The following BNC2 variants were observed in gnomAD, a reference collection of about 807,000 sequenced individuals.
BNC2 encodes zinc finger protein basonuclin-2.
In BNC2, 20 loss-of-function variants were observed where a neutral mutation model predicts 76.3. The ratio of observed to expected loss-of-function variants is 0.26; its 90% CI spans 0.18 to 0.38. The LOEUF (loss-of-function observed/expected upper bound fraction) is 0.38. Ranked by LOEUF, BNC2 falls within the 10% of genes least tolerant of loss-of-function variation. The probability of loss-of-function intolerance (pLI) is 1.00; values close to 1 mark genes in which losing one functional copy is unlikely to be tolerated. For synonymous variants in BNC2, 582 were observed against 514.8 expected (o/e 1.13, Z -1.77); for missense variants, 1,382 against 1,399.8 (o/e 0.99, Z 0.20).
intron 5 of BNC2, among the ~76,000 whole-genome samples, chr9:16,497,479 A>G (rs754061396): frequency 2.6e-5 from 4 of 152,142 alleles, no homozygotes; most frequent in Non-Finnish European, 5.9e-5. Flanking sequence ...TCAAATTCCT[A>G]TTTATTGCTT....
intron 1 of BNC2, among the ~76,000 whole-genome samples, chr9:16,743,309 CT>C (rs899202873): frequency 1.4e-4 from 21 of 150,558 alleles, no homozygotes; most frequent in East Asian, 3.9e-4. Flanking sequence ...AGACTTTTTA[CT>C]TTTTTTTTTC....
In BNC2 at chr9:16,417,778, T is replaced by A. The variant is rs938615769; in HGVS notation, c.*1211A>T. 13 of 152,690 alleles carry A rather than the reference T, an allele frequency of 8.5e-5. No individual in the cohort carries two copies. The highest frequency in any genetic ancestry group is 1.6e-4 in the Non-Finnish European group (11 of 68,046). The allele number at this position is 152,690 out of a possible 1,614,324, so 9.5% of individuals were successfully genotyped here. On this transcript the variant is annotated 3_prime_UTR_variant, in exon 7 of 7. Transcript: ENST00000380672. ...GAAATATTATCCTGCCTCTGAAGAA[T>A]AAATGCCTTGGCTGTTTCACACCAC...
At chr9:16,521,392 G>T (rs915346891) in intron 5 of BNC2, among the ~76,000 whole-genome samples, 1 of 152,204 alleles carries the variant, frequency 6.6e-6, no homozygotes, top group Non-Finnish European at 1.5e-5. Context: ...TGCTGATTTG[G>T]CAATGTGAGC....
intron 1 of BNC2, among the ~76,000 whole-genome samples, chr9:16,759,776 T>G (rs1390572943): frequency 1.3e-5 from 2 of 150,028 alleles, no homozygotes; most frequent in Non-Finnish European, 3.0e-5. Flanking sequence ...CTGACTAGAG[T>G]GTAGTGGCAC....
intron 5 of BNC2, among the ~76,000 whole-genome samples, chr9:16,515,497 A>C (rs1822855953): frequency 1.3e-5 from 2 of 151,848 alleles, no homozygotes; most frequent in Non-Finnish European, 2.9e-5. Context: ...CTATCCCACC[A>C]ACTCCCCTCT....
intron 3 of BNC2, among the ~76,000 whole-genome samples, chr9:16,616,160 G>C (rs904825152): frequency 6.6e-6 from 1 of 152,114 alleles, no homozygotes; most frequent in Non-Finnish European, 1.5e-5. Flanking sequence ...GCTGGGGTGG[G>C]AGGATCATTT....
intron 4 of BNC2, chr9:16,575,196 C>T (rs767279311): frequency 7.6e-6 from 7 of 917,816 alleles, no homozygotes; most frequent in Non-Finnish European, 9.1e-6. Context: ...GGTGACAGAG[C>T]CGCGACGTGA....
At chr9:16,808,333 C>G (rs1817961608) in intron 1 of BNC2, among the ~76,000 whole-genome samples, 1 of 151,946 alleles carries the variant, frequency 6.6e-6, no homozygotes, top group African/African-American at 2.4e-5. Flanking sequence ...AACAGCAGAG[C>G]CTAGAATCCT....
In BNC2 at chr9:16,436,339, CCAT is replaced by C. The variant is rs754784985; in HGVS notation, c.1852_1854del (p.Met618del). On this transcript the variant is annotated inframe_deletion, in exon 6 of 7. Coordinates refer to ENST00000380672, the MANE Select transcript of BNC2 (RefSeq NM_017637.6). ...AGGTCAGCACTGGGCTCATGGGTGG[CCAT>C]CATCACTGCTGGCACTACTGGCTCA... The C allele has an allele frequency of 3.1e-6, 5 of 1,614,068 alleles. No homozygotes were observed. The Admixed American group carries it at 8.3e-5, about 27-fold the overall frequency.
intron 1 of BNC2, among the ~76,000 whole-genome samples, chr9:16,773,177 A>C (rs189006646): frequency 6.6e-6 from 1 of 152,302 alleles, no homozygotes; most frequent in East Asian, 1.9e-4. Flanking sequence ...CAGACACTGC[A>C]GTTCATAAAA....
At chr9:16,620,007 C>T (rs996310013) in intron 3 of BNC2, among the ~76,000 whole-genome samples, 5 of 152,180 alleles carry the variant, frequency 3.3e-5, no homozygotes, top group East Asian at 1.9e-4. Flanking sequence ...AATTAAGCCA[C>T]GTATGGCCTT....
At position 16,436,559 on chromosome 9, in the gene BNC2, A is replaced by C. The variant is rs1821021026; in HGVS notation, c.1635T>G (p.Pro545=). 2 of 1,614,064 alleles carry C rather than the reference A, an allele frequency of 1.2e-6. No individual in the cohort carries two copies. Among genetic ancestry groups the C allele is most frequent in the South Asian group, 1.1e-5 (1 of 91,068 alleles). The change falls in exon 6 of 7, where the codon CCT becomes CCG. Residue 545 remains proline (P), a synonymous_variant. Transcript: ENST00000380672. ...GAGGATTTTGCAAGACAGGGTCTAGAGGGGGAGTGGTAAAACCCATTGGGG... is the reference window on the plus strand; with the variant it reads ...GAGGATTTTGCAAGACAGGGTCTAGCGGGGGAGTGGTAAAACCCATTGGGG... The part of the protein sequence containing the change: ...GRPPMGFTTP[P]LDPVLQNPLP...
chr9:16,513,496 C>T (rs971203623), intron 5 of BNC2, among the ~76,000 whole-genome samples: 3 of 151,758 alleles, frequency 2.0e-5, no homozygotes, highest in Admixed American at 6.6e-5. Flanking sequence ...TTAGTGGAGA[C>T]GGGTTTCACC....
intron 5 of BNC2, among the ~76,000 whole-genome samples, chr9:16,497,716 T>TAA (rs1464691800): frequency 3.3e-5 from 5 of 152,134 alleles, no homozygotes; most frequent in Non-Finnish European, 5.9e-5. Flanking sequence ...AAGTTGAAAG[T>TAA]AAAGTCGGAA....
At position 16,431,588 on chromosome 9, in the gene BNC2, A is replaced by G. The variant is rs986705206; in HGVS notation, c.2639+3967T>C. ...GCAGACAGATCAAGGGATAAACAAGAAGGAGGAAAGGGTCTTTAGAGACTT... is the reference window on the plus strand; with the variant it reads ...GCAGACAGATCAAGGGATAAACAAGGAGGAGGAAAGGGTCTTTAGAGACTT... On this transcript the variant is annotated intron_variant, in intron 6 of 6. Coordinates refer to ENST00000380672, the MANE Select transcript of BNC2 (RefSeq NM_017637.6). 35 of 315,750 alleles carry G rather than the reference A, an allele frequency of 1.1e-4. 1 individual carries two copies. The highest frequency in any genetic ancestry group is 2.7e-4 in the Admixed American group (8 of 29,530). 19.6% of individuals were successfully genotyped at this position (315,750 alleles called of 1,614,324 possible).
chr9:16,514,451 TA>T (rs1424064816), intron 5 of BNC2, among the ~76,000 whole-genome samples: 3 of 152,290 alleles, frequency 2.0e-5, no homozygotes, highest in Admixed American at 2.0e-4. Flanking sequence ...AATCTTTTGT[TA>T]TGTGTTTTTC....
chr9:16,505,801 G>C (rs549735299), intron 5 of BNC2, among the ~76,000 whole-genome samples: 1 of 152,000 alleles, frequency 6.6e-6, no homozygotes, highest in African/African-American at 2.4e-5. Flanking sequence ...GTTAGCATTC[G>C]TAATAATATT....
At chr9:16,544,961 A>C (rs1381341757) in intron 5 of BNC2, among the ~76,000 whole-genome samples, 3 of 152,174 alleles carry the variant, frequency 2.0e-5, no homozygotes, top group Non-Finnish European at 4.4e-5. Context: ...TTTAACCTTT[A>C]TAGATGAAGA....
At position 16,415,081 on chromosome 9, in the gene BNC2, T is replaced by C. The variant is rs1335072126; in HGVS notation, c.*3908A>G. ...TGCCAAAAAGGTTTTAAAAAATGTT[T>C]GCCATGTTGAAAAGGAAAACATTAA... On this transcript the variant is annotated 3_prime_UTR_variant, in exon 7 of 7. Coordinates refer to ENST00000380672, the MANE Select transcript of BNC2 (RefSeq NM_017637.6). 6.6e-6 allele frequency: 1 copy of C among 152,182 alleles called. No individual in the cohort carries two copies. The highest frequency in any genetic ancestry group is 2.4e-5 in the African/African-American group (1 of 41,452). 9.4% of individuals were successfully genotyped at this position (152,182 alleles called of 1,614,324 possible). A position where few individuals can be genotyped will look rare whatever the true frequency, so the allele number is the denominator to read the frequency against.
Sources: allele counts gnomAD v4.1 joint callset (sites outside exome capture counted in the v4.1 genomes callset), GRCh38; gene constraint gnomAD v4.1.1; transcripts MANE v1.5; gene names NCBI Gene and HGNC (gene_info 2026-07-23, HGNC 2026-07-21).